Variants in JMJD4 observed in about 807,000 individuals in gnomAD.
The protein encoded by JMJD4 is jumonji domain containing 4.
JMJD4 carries 34 observed loss-of-function variants against 36.3 expected under a neutral mutation model. The observed-to-expected ratio is 0.94, with a 90% confidence interval of 0.71 to 1.25. JMJD4 has a LOEUF of 1.25. Ranked by LOEUF, JMJD4 falls within the 50% of genes most tolerant of loss-of-function variation. The pLI is 0.00. For missense variants in JMJD4, 584 were observed against 559.1 expected, an observed-to-expected ratio of 1.04 and a Z score of -0.45; for synonymous variants, 269 against 235.3, an observed-to-expected ratio of 1.14 and a Z score of -1.31.
Position 227,734,040 on chromosome 1 carries a change from G to T in JMJD4, c.429-8C>A. The T allele has an allele frequency of 6.2e-7, 1 of 1,611,866 alleles. No homozygotes were observed. Among genetic ancestry groups the T allele is most frequent in the South Asian group, 1.1e-5 (1 of 90,988 alleles). On this transcript the variant is annotated splice_region_variant and splice_polypyrimidine_tract_variant and intron_variant, in intron 2 of 5. Coordinates refer to ENST00000620518, the MANE Select transcript of JMJD4 (RefSeq NM_023007.3). The stretch of plus-strand genomic sequence containing the variant: ...TCCTCCACCGGAAAGTCCCTGTGAG[G>T]AGGGCGCAAGGGCACCACCGACAGC...
In JMJD4 at chr1:227,733,429, G is replaced by T; in HGVS notation, c.807C>A (p.His269Gln). Residue 269 changes from histidine (H) to glutamine (Q), a missense_variant, in exon 4 of 6, where the codon CAC (histidine) becomes CAA (glutamine). By Grantham distance (24) the His-to-Gln change is conservative. Coordinates refer to ENST00000620518, the MANE Select transcript of JMJD4 (RefSeq NM_023007.3). ...AGCACATTACCAGGTTGTGCACCTG[G>T]TGGTGCCAGCCACTGGGCACAAACA... The part of the protein sequence containing the change: ...EMVFVPSGWH[H>Q]QVHNLDDTIS... The T allele has an allele frequency of 6.3e-7, 1 of 1,578,238 alleles. No homozygotes were observed. Among genetic ancestry groups the T allele is most frequent in the East Asian group, 2.3e-5 (1 of 44,376 alleles).
At chr1:227,734,073 G>T in intron 2 of JMJD4, 41 bp from the exon 3 acceptor site, 1 of 1,598,942 alleles carries the variant, frequency 6.3e-7, no homozygotes. Flanking sequence ...AGCACGTGAG[G>T]CACGAGGAGA....
chr1:227,735,066 G>A lies in JMJD4; in HGVS notation c.208C>T (p.Arg70Cys). 6.4e-7 allele frequency: 1 copy of A among 1,557,792 alleles called. No individual in the cohort carries two copies. Among genetic ancestry groups the A allele is most frequent in the Non-Finnish European group, 8.7e-7 (1 of 1,152,192 alleles). ...GGCCTCCCCGCGGGCGTCACCCAGCGCCGCCGGCTGCCCCAGCCCTGCGTG... is the reference window on the plus strand; with the variant it reads ...GGCCTCCCCGCGGGCGTCACCCAGCACCGCCGGCTGCCCCAGCCCTGCGTG... The part of the protein sequence containing the change: ...AFTQGWGSRR[R>C]WVTPAGRPDF... The change falls in exon 1 of 6, where the codon CGC becomes TGC. Residue 70 changes from arginine to cysteine, a missense_variant. Physicochemically the swap from Arg to Cys is radical, Grantham distance 180. Transcript: ENST00000620518.
At chr1:227,733,180 T>A (rs1257372865) in intron 4 of JMJD4, 153 bp from the exon 5 acceptor site, 5 of 958,300 alleles carry the variant, frequency 5.2e-6, no homozygotes, top group Non-Finnish European at 7.6e-6. Flanking sequence ...AGCAGGGAAG[T>A]GGGTGGCGGG....
chr1:227,733,371 G>C (rs1435593202), intron 4 of JMJD4, 43 bp downstream of exon 4: 2 of 1,551,610 alleles, frequency 1.3e-6, no homozygotes, highest in Non-Finnish European at 1.7e-6. Flanking sequence ...CCGTCTTCCT[G>C]CAGGAAGGCC....
chr1:227,733,338 G>T, intron 4 of JMJD4, 76 bp downstream of exon 4: 1 of 1,460,660 alleles, frequency 6.8e-7, no homozygotes. Flanking sequence ...AGCTCTGGCT[G>T]GGAGAGTGGG....
At position 227,731,487 on chromosome 1, in the gene JMJD4, G is replaced by A. The variant is rs529381784; in HGVS notation, c.*905C>T. 6.6e-6 allele frequency: 1 copy of A among 152,180 alleles called. No individual in the cohort carries two copies. The highest frequency in any genetic ancestry group is 2.4e-5 in the African/African-American group (1 of 41,430). 9.4% of individuals were successfully genotyped at this position (152,180 alleles called of 1,614,324 possible). A position where few individuals can be genotyped will look rare whatever the true frequency, so the allele number is the denominator to read the frequency against. On this transcript the variant is annotated 3_prime_UTR_variant, in exon 6 of 6. Coordinates refer to ENST00000620518, the MANE Select transcript of JMJD4 (RefSeq NM_023007.3). ...GACTCTCGGTCAAGGACAGGGCTGGGAGAGTGCCAGTCTCCACAAACTGTG... is the reference window on the plus strand; with the variant it reads ...GACTCTCGGTCAAGGACAGGGCTGGAAGAGTGCCAGTCTCCACAAACTGTG...
chr1:227,733,402 G>A lies in JMJD4; in HGVS notation c.822+12C>T, dbSNP rs1257704334. On this transcript the variant is annotated intron_variant, in intron 4 of 5. Transcript: ENST00000620518. ...AGGCCCCTGATAGGGGGCAGGAGAA[G>A]CAGCACATTACCAGGTTGTGCACCT... 3 of 1,567,458 alleles carry A rather than the reference G, an allele frequency of 1.9e-6. No individual in the cohort carries two copies. Among genetic ancestry groups the A allele is most frequent in the Non-Finnish European group, 2.6e-6 (3 of 1,157,762 alleles).
Position 227,732,632 on chromosome 1 carries a change from G to A in JMJD4, c.1014C>T (p.Tyr338=), listed in dbSNP as rs1660738496. The A allele has an allele frequency of 3.7e-6, 6 of 1,613,356 alleles. No individual in the cohort carries two copies. Among genetic ancestry groups the A allele is most frequent in the Non-Finnish European group, 5.1e-6 (6 of 1,180,016 alleles). The change falls in exon 6 of 6, where the codon TAC becomes TAT. Residue 338 remains tyrosine (Y), a synonymous_variant. Coordinates refer to ENST00000620518, the MANE Select transcript of JMJD4 (RefSeq NM_023007.3). ...TCTCAGCGATGACCTTGAGGAAGTGGTAAAACTCTTCAAAGTTGATGCCCG... is the reference window on the plus strand; with the variant it reads ...TCTCAGCGATGACCTTGAGGAAGTGATAAAACTCTTCAAAGTTGATGCCCG... ...SCSGINFEEF[Y]HFLKVIAEKR... is the part of the protein sequence containing the mutation.
intron 2 of JMJD4, 94 bp from the exon 3 acceptor site, chr1:227,734,126 G>A (rs2102866563): frequency 7.0e-7 from 1 of 1,421,322 alleles, no homozygotes; most frequent in African/African-American, 1.4e-5. Flanking sequence ...ATCGGCTCCA[G>A]TGGAGCTTCC....
At position 227,733,661 on chromosome 1, in the gene JMJD4, A is replaced by T. The variant is rs750417339; in HGVS notation, c.575T>A (p.Ile192Asn). 6.2e-7 allele frequency: 1 copy of T among 1,601,814 alleles called. No individual in the cohort carries two copies. The highest frequency in any genetic ancestry group is 1.3e-5 in the African/African-American group (1 of 75,010). ...GACAGACCAGCTGAAGGAGCGGAAG[A>T]TGTCAGCATGGAACGGGGACCTGCG... ...AGSWSPFHAD[I>N]FRSFSWSVNV... The change falls in exon 4 of 6, where the codon ATC becomes AAC. Residue 192 changes from isoleucine (I) to asparagine (N), a missense_variant. Transcript: ENST00000620518.
rs753257004 is a variant in JMJD4 at position 227,734,632 on chromosome 1, G to A, written c.428+19C>T. Reference sequence around the variant, plus strand: ...GCGCTAGGGAAGGCAGCGCCTCGGTGCGTCCCAAGCCCCATTACCTGCACA... The same window carrying A: ...GCGCTAGGGAAGGCAGCGCCTCGGTACGTCCCAAGCCCCATTACCTGCACA... On this transcript the variant is annotated intron_variant, in intron 2 of 5. Transcript: ENST00000620518. 14 of 1,611,848 alleles carry A rather than the reference G, an allele frequency of 8.7e-6. No individual in the cohort carries two copies. The highest frequency in any genetic ancestry group is 4.5e-5 in the East Asian group (2 of 44,834).
chr1:227,734,528 T>C (rs1304307020), intron 2 of JMJD4, 123 bp downstream of exon 2: 1 of 848,490 alleles, frequency 1.2e-6, no homozygotes, highest in African/African-American at 1.7e-5. Flanking sequence ...TTAAACTGAT[T>C]AAAGTGCCTC....
In JMJD4 at chr1:227,733,015, AGAT is replaced by A; in HGVS notation, c.832_834del (p.Ile278del). On this transcript the variant is annotated inframe_deletion, in exon 5 of 6. Coordinates refer to ENST00000620518, the MANE Select transcript of JMJD4 (RefSeq NM_023007.3). ...CCATTGACCCAGTTGTGGTTGATGG[AGAT>A]GGTGTCATCCTGGAAGGGGCACAGT... is the stretch of plus-strand genomic sequence containing the variant. 1.2e-6 allele frequency: 2 copies of A among 1,613,474 alleles called. No individual in the cohort carries two copies. Among genetic ancestry groups the A allele is most frequent in the Non-Finnish European group, 1.7e-6 (2 of 1,180,006 alleles).
rs1385239414 is a variant in JMJD4 at position 227,735,055 on chromosome 1, C to T, written c.219G>A (p.Thr73=). The T allele has an allele frequency of 1.3e-6, 2 of 1,555,542 alleles. No individual in the cohort carries two copies. Among genetic ancestry groups the T allele is most frequent in the South Asian group, 1.2e-5 (1 of 85,214 alleles). ...GGTCGAAGTCGGGCCTCCCCGCGGG[C>T]GTCACCCAGCGCCGCCGGCTGCCCC... ...QGWGSRRRWV[T]PAGRPDFDHL... is the part of the protein sequence containing the mutation. Residue 73 remains threonine (T), a synonymous_variant, in exon 1 of 6, where the codon ACG becomes ACA. Transcript: ENST00000620518.
chr1:227,734,116 A>C, intron 2 of JMJD4, 84 bp from the exon 3 acceptor site: 2 of 1,484,680 alleles, frequency 1.3e-6, no homozygotes, highest in Non-Finnish European at 1.8e-6. Context: ...ACTGAGACCA[A>C]TCGGCTCCAG....
Position 227,731,394 on chromosome 1 carries a change from G to A in JMJD4, c.*998C>T, listed in dbSNP as rs1298292230. 2 of 152,232 alleles carry A rather than the reference G, an allele frequency of 1.3e-5. No homozygotes were observed. Among genetic ancestry groups the A allele is most frequent in the East Asian group, 1.9e-4 (1 of 5,184 alleles). 9.4% of individuals were successfully genotyped at this position (152,232 alleles called of 1,614,324 possible). On this transcript the variant is annotated 3_prime_UTR_variant, in exon 6 of 6. Transcript: ENST00000620518. ...CATAGCCATGGCACGTGCCGTCCCT[G>A]TGGATTCGGATGCCTCCTCCCCTGC... is the stretch of plus-strand genomic sequence containing the variant.
chr1:227,733,158 C>G, intron 4 of JMJD4, 131 bp from the exon 5 acceptor site: 1 of 1,076,388 alleles, frequency 9.3e-7, no homozygotes, highest in South Asian at 1.5e-5. Context: ...TGTCTCCCAG[C>G]AGGGCTTGCT....
Position 227,733,599 on chromosome 1 carries a change from G to A in JMJD4, c.637C>T (p.Pro213Ser). 4 of 1,606,464 alleles carry A rather than the reference G, an allele frequency of 2.5e-6. No individual in the cohort carries two copies. Among genetic ancestry groups the A allele is most frequent in the Non-Finnish European group, 3.4e-6 (4 of 1,178,672 alleles). Reference protein sequence around the residue: ...CGRKKWLLFPPGQEEALRDRH... With the variant: ...CGRKKWLLFPSGQEEALRDRH... ...TCCCGCAGGGCCTCTTCCTGCCCTG[G>A]GGGGAAGAGGAGCCACTTCTTCCTC... Residue 213 changes from proline (P) to serine (S), a missense_variant, in exon 4 of 6, where the codon CCA becomes TCA. By Grantham distance (74) the Pro-to-Ser change is moderately conservative. Coordinates refer to ENST00000620518, the MANE Select transcript of JMJD4 (RefSeq NM_023007.3).
Sources: gnomAD v4.1 joint callset for allele counts on GRCh38, gnomAD v4.1.1 for gene constraint, MANE v1.5 for transcripts, NCBI Gene and HGNC (gene_info 2026-07-23, HGNC 2026-07-21) for gene names.